TAFA5: variants seen among roughly 807,000 people sequenced by gnomAD.
TAFA5 encodes chemokine-like protein TAFA-5.
In TAFA5, 6 loss-of-function variants were observed where a neutral mutation model predicts 15.3. That is an observed-to-expected ratio of 0.39 (90% CI 0.21 to 0.77). The LOEUF is 0.77. Among genes scored for constraint, TAFA5 ranks in the 30% least tolerant of loss-of-function variants. TAFA5 has a pLI of 0.41. For synonymous variants in TAFA5, 103 were observed against 80.7 expected, an observed-to-expected ratio of 1.28 and a Z score of -1.48; for missense variants, 161 against 193.1, an observed-to-expected ratio of 0.83 and a Z score of 0.98.
chr22:48,700,712 G>A (rs1232512586), intron 2 of TAFA5, among the ~76,000 whole-genome samples: 1 of 152,166 alleles, frequency 6.6e-6, no homozygotes, highest in South Asian at 2.1e-4. Context: ...CTGCAGGCCG[G>A]ATGAGAGCTT....
At chr22:48,672,495 T>C (rs370500446) in intron 2 of TAFA5, among the ~76,000 whole-genome samples, 122 of 152,334 alleles carry the variant, frequency 8.0e-4, no homozygotes, top group Middle Eastern at 3.4e-3. Flanking sequence ...TTGCCGCATA[T>C]CAGATAAGCA....
intron 3 of TAFA5, among the ~76,000 whole-genome samples, chr22:48,743,823 T>C (rs1184808799): frequency 1.3e-5 from 2 of 152,246 alleles, no homozygotes; most frequent in Non-Finnish European, 2.9e-5. Context: ...TTATGGCAGA[T>C]GGATAAATGT....
intron 1 of TAFA5, among the ~76,000 whole-genome samples, chr22:48,585,775 A>G (rs1924333892): frequency 6.6e-6 from 1 of 152,038 alleles, no homozygotes; most frequent in South Asian, 2.1e-4. Context: ...CATACCACAC[A>G]CACACCACAC....
intron 2 of TAFA5, among the ~76,000 whole-genome samples, chr22:48,678,481 C>A (rs544889878): frequency 1.3e-5 from 2 of 151,916 alleles, no homozygotes; most frequent in South Asian, 4.2e-4. Flanking sequence ...GCCTGTGGTC[C>A]AGGGAAGGGC....
At chr22:48,625,956 G>A (rs73173470) in intron 1 of TAFA5, among the ~76,000 whole-genome samples, 5,379 of 152,214 alleles carry the variant, frequency 0.035, 145 homozygotes, top group South Asian at 0.1. Context: ...GCATGCAGCC[G>A]TCTCAGACTG....
rs1464008898 is a variant in TAFA5, at chr22:48,735,744, C to T, written c.391-14095C>T. On this transcript the variant is annotated intron_variant, in intron 3 of 3. Coordinates refer to ENST00000402357, the MANE Select transcript of TAFA5 (RefSeq NM_001082967.3). The stretch of plus-strand genomic sequence containing the variant: ...CCCTCCTAGAGTCCACAGAGTCCAT[C>T]CCCCGAGGAGGAATGAGAATCACAC... Among the ~76,000 whole-genome samples the T allele has an allele frequency of 3.3e-5, 5 of 151,948 alleles. 1 individual carries two copies.
chr22:48,694,570 C>T (rs1486829868), intron 2 of TAFA5, among the ~76,000 whole-genome samples: 3 of 151,946 alleles, frequency 2.0e-5, no homozygotes, highest in South Asian at 2.1e-4. Context: ...CGGCTGTGTC[C>T]GCTCACCCCA....
chr22:48,567,272 C>T (rs1204483296), intron 1 of TAFA5, among the ~76,000 whole-genome samples: 1 of 152,256 alleles, frequency 6.6e-6, no homozygotes, highest in Admixed American at 6.5e-5. Context: ...CGCCTGGCCT[C>T]CGGAAGGCTG....
At chr22:48,584,060 ACATAC>A (rs1300417343) in intron 1 of TAFA5, among the ~76,000 whole-genome samples, 1 of 149,778 alleles carries the variant, frequency 6.7e-6, no homozygotes, top group Non-Finnish European at 1.5e-5. Flanking sequence ...CATACACCAC[ACATAC>A]CAGACACCAC....
At chr22:48,563,121 G>A (rs1051763131) in intron 1 of TAFA5, among the ~76,000 whole-genome samples, 8 of 152,292 alleles carry the variant, frequency 5.3e-5, no homozygotes, top group African/African-American at 1.7e-4. Flanking sequence ...AAACAGTGCC[G>A]GCCGCCCCTC....
chr22:48,584,192 C>T (rs1009705408), intron 1 of TAFA5, among the ~76,000 whole-genome samples: 2 of 149,976 alleles, frequency 1.3e-5, no homozygotes, highest in Non-Finnish European at 3.0e-5. Flanking sequence ...ACTCACCACA[C>T]AAAATACACA....
At chr22:48,691,271 G>T (rs555326945) in intron 2 of TAFA5, among the ~76,000 whole-genome samples, 118 of 152,312 alleles carry the variant, frequency 7.7e-4, no homozygotes, top group Middle Eastern at 3.4e-3. Context: ...GCCTCCTCTC[G>T]TGGCTGTAAG....
intron 1 of TAFA5, among the ~76,000 whole-genome samples, chr22:48,630,770 C>A (rs983550533): frequency 2.7e-5 from 4 of 150,686 alleles, no homozygotes; most frequent in Non-Finnish European, 5.9e-5. Context: ...AGGCTCCAGG[C>A]GCTGGGGAAG....
At chr22:48,600,984 G>A (rs530938474) in intron 1 of TAFA5, among the ~76,000 whole-genome samples, 1 of 152,308 alleles carries the variant, frequency 6.6e-6, no homozygotes, top group African/African-American at 2.4e-5. Flanking sequence ...TCGTTCAGCC[G>A]GCTTCCTCTC....
At chr22:48,496,661 T>C (rs5767173) in intron 1 of TAFA5, among the ~76,000 whole-genome samples, 61,268 of 151,992 alleles carry the variant, frequency 0.4, 13,616 homozygotes, top group African/African-American at 0.58. Flanking sequence ...TGGCTCTACC[T>C]CTGCTGGGAC....
At chr22:48,516,598 G>A (rs944888129) in intron 1 of TAFA5, among the ~76,000 whole-genome samples, 6 of 152,260 alleles carry the variant, frequency 3.9e-5, no homozygotes, top group Admixed American at 6.5e-5. Context: ...GAACGTTGCA[G>A]GGTGAAGCCA....
intron 1 of TAFA5, among the ~76,000 whole-genome samples, chr22:48,587,651 G>A (rs983185104): frequency 2.6e-5 from 4 of 152,188 alleles, no homozygotes; most frequent in Non-Finnish European, 4.4e-5. Context: ...TGATGGGGCC[G>A]CCCTGTGGGG....
chr22:48,740,039 T>G (rs1379278512), intron 3 of TAFA5, among the ~76,000 whole-genome samples: 1 of 152,184 alleles, frequency 6.6e-6, no homozygotes, highest in African/African-American at 2.4e-5. Flanking sequence ...ACCCACCAAG[T>G]GCCCATCCTC....
At chr22:48,625,235 T>A (rs1325549212) in intron 1 of TAFA5, among the ~76,000 whole-genome samples, 2 of 152,070 alleles carry the variant, frequency 1.3e-5, no homozygotes, top group Non-Finnish European at 2.9e-5. Flanking sequence ...AGGGAGGAGA[T>A]GCATGAATGT....
Sources: gnomAD v4.1 joint callset for allele counts (sites outside exome capture counted in the v4.1 genomes callset) on GRCh38, gnomAD v4.1.1 for gene constraint, MANE v1.5 for transcripts, NCBI Gene and HGNC (gene_info 2026-07-23, HGNC 2026-07-21) for gene names.